The following MRS2 variants were observed in gnomAD, a reference collection of about 807,000 sequenced individuals.
The protein encoded by MRS2 is magnesium transporter MRS2, also known as magnesium transporter MRS2 homolog, mitochondrial.
MRS2 carries 40 observed loss-of-function variants against 52.6 expected under a neutral mutation model. That is an observed-to-expected ratio of 0.76 (90% confidence interval 0.59 to 0.99). The LOEUF is 0.99. Ranked by LOEUF, MRS2 falls within the 50% of genes least tolerant of loss-of-function variation. MRS2 has a pLI of 0.00. For synonymous variants in MRS2, 193 were observed against 195.9 expected (o/e 0.98, Z 0.13); for missense variants, 472 against 532.7 (o/e 0.89, Z 1.12).
chr6:24,416,201 G>A (rs1174647022), intron 6 of MRS2, among the ~76,000 whole-genome samples, 196 bp from the exon 7 acceptor site: 1 of 151,742 alleles, frequency 6.6e-6, no homozygotes, highest in Non-Finnish European at 1.5e-5. Flanking sequence ...AGGATTACAG[G>A]CGTGACACCA....
At chr6:24,403,719 G>A (rs568426862) in intron 1 of MRS2, among the ~76,000 whole-genome samples, 3 of 152,274 alleles carry the variant, frequency 2.0e-5, no homozygotes, top group African/African-American at 7.2e-5. Context: ...ACACCTGGCC[G>A]AGAGGTGTTT....
Position 24,408,422 on chromosome 6 carries a change from A to T in MRS2, c.279A>T (p.Lys93Asn), listed in dbSNP as rs749814624. Reference protein sequence around the residue: ...APVFTVTKFDKQGNVTSFERK... With the variant: ...APVFTVTKFDNQGNVTSFERK... Reference sequence around the variant, plus strand: ...TCTATTTTCAGACAAAATTTGACAAACAGGGAAACGTTACTTCTTTTGGTG... The same window carrying T: ...TCTATTTTCAGACAAAATTTGACAATCAGGGAAACGTTACTTCTTTTGGTG... Residue 93 changes from lysine to asparagine, a missense_variant, in exon 3 of 11, where the codon AAA (lysine) becomes AAT (asparagine). Physicochemically the swap from Lys to Asn is moderately conservative, Grantham distance 94 (BLOSUM62 0). Coordinates refer to ENST00000378386, the MANE Select transcript of MRS2 (RefSeq NM_020662.4). 2 of 1,587,620 alleles carry T rather than the reference A, an allele frequency of 1.3e-6. No individual in the cohort carries two copies. The highest frequency in any genetic ancestry group is 1.3e-5 in the African/African-American group (1 of 74,282).
Position 24,425,861 on chromosome 6 carries a change from G to GAGTT in MRS2, c.*2169_*2172dup, listed in dbSNP as rs1303557445. On this transcript the variant is annotated 3_prime_UTR_variant, in exon 11 of 11. Transcript: ENST00000378386. ...ATATTAAAAAGCTATTTATTTTGGT[G>GAGTT]AGTTATTCCAAGAGTTGTATACAGC... 2.0e-5 allele frequency: 3 copies of GAGTT among 152,176 alleles called. No homozygotes were observed. The highest frequency in any genetic ancestry group is 4.4e-5 in the Non-Finnish European group (3 of 68,022). 9.4% of individuals were successfully genotyped at this position (152,176 alleles called of 1,614,324 possible). A position where few individuals can be genotyped will look rare whatever the true frequency, so the allele number is the denominator to read the frequency against.
rs756118584 is a variant in MRS2, at chr6:24,409,450, T to C, written c.302-11T>C. 2.5e-5 allele frequency: 38 copies of C among 1,544,800 alleles called. No individual in the cohort carries two copies. The highest frequency in any genetic ancestry group is 3.4e-5 in the Non-Finnish European group (38 of 1,124,034). On this transcript the variant is annotated splice_polypyrimidine_tract_variant and intron_variant, in intron 3 of 10. Coordinates refer to ENST00000378386, the MANE Select transcript of MRS2 (RefSeq NM_020662.4). ...ATTTGGTTTAGCCCTCTCTGTTTAT[T>C]TCTTTTATAGAAAGGAAGAAAACTG...
chr6:24,413,102 A>G (rs1241152181), intron 5 of MRS2, among the ~76,000 whole-genome samples: 1 of 152,094 alleles, frequency 6.6e-6, no homozygotes, highest in South Asian at 2.1e-4. Flanking sequence ...CAGTGAGATG[A>G]TAAGTAGTGG....
In MRS2 at chr6:24,426,178, A is replaced by G. The variant is rs1224484925; in HGVS notation, c.*2484A>G. The G allele has an allele frequency of 6.6e-6, 1 of 152,344 alleles. No individual in the cohort carries two copies. Among genetic ancestry groups the G allele is most frequent in the East Asian group, 1.9e-4 (1 of 5,194 alleles). The allele number at this position is 152,344 out of a possible 1,614,324, so 9.4% of individuals were successfully genotyped here. A position where few individuals can be genotyped will look rare whatever the true frequency, so the allele number is the denominator to read the frequency against. Reference sequence around the variant, plus strand: ...CTTCTGATATCTTGAAATAAAGATAAATTTCAGTTAAACTTGTATAAGTTC... The same window carrying G: ...CTTCTGATATCTTGAAATAAAGATAGATTTCAGTTAAACTTGTATAAGTTC... On this transcript the variant is annotated 3_prime_UTR_variant, in exon 11 of 11. Coordinates refer to ENST00000378386, the MANE Select transcript of MRS2 (RefSeq NM_020662.4).
At chr6:24,411,922 A>G (rs995690436) in intron 4 of MRS2, among the ~76,000 whole-genome samples, 2 of 142,736 alleles carry the variant, frequency 1.4e-5, no homozygotes, top group Non-Finnish European at 3.0e-5. Context: ...TATATAATTT[A>G]TGTGAATAAT....
intron 6 of MRS2, 76 bp downstream of exon 6, chr6:24,415,239 A>G (rs1761807777): frequency 1.4e-6 from 2 of 1,454,962 alleles, no homozygotes; most frequent in Non-Finnish European, 1.8e-6. Context: ...TTTGTTTCAT[A>G]ACTTTTTTTA....
intron 1 of MRS2, among the ~76,000 whole-genome samples, chr6:24,403,865 A>G (rs769031816): frequency 7.9e-4 from 121 of 152,332 alleles, no homozygotes; most frequent in Non-Finnish European, 1.2e-3. Flanking sequence ...AAGTGAGGCT[A>G]AAGACTGAGT....
Position 24,425,300 on chromosome 6 carries a change from C to G in MRS2, c.*1606C>G, listed in dbSNP as rs985725260. On this transcript the variant is annotated 3_prime_UTR_variant, in exon 11 of 11. Coordinates refer to ENST00000378386, the MANE Select transcript of MRS2 (RefSeq NM_020662.4). ...TCCCAGAGGGCAACATTTGATTTGACTAAGATCAGGCATAAGATAGAATTT... is the reference window on the plus strand; with the variant it reads ...TCCCAGAGGGCAACATTTGATTTGAGTAAGATCAGGCATAAGATAGAATTT... 11 of 152,166 alleles carry G rather than the reference C, an allele frequency of 7.2e-5. No homozygotes were observed. Among genetic ancestry groups the G allele is most frequent in the African/African-American group, 2.4e-4 (10 of 41,418 alleles). The allele number at this position is 152,166 out of a possible 1,614,324, so 9.4% of individuals were successfully genotyped here.
chr6:24,403,251 C>A lies in MRS2; in HGVS notation c.190+15C>A. On this transcript the variant is annotated intron_variant, in intron 1 of 10. Coordinates refer to ENST00000378386, the MANE Select transcript of MRS2 (RefSeq NM_020662.4). ...CCGCGTGGCAGGTACTGCCCTTCCC[C>A]GGCAACAGCCTTGGGACGCTGGTCT... 6.3e-7 allele frequency: 1 copy of A among 1,582,440 alleles called. No individual in the cohort carries two copies.
intron 2 of MRS2, among the ~76,000 whole-genome samples, chr6:24,405,621 G>A (rs1351730328): frequency 6.6e-6 from 1 of 151,818 alleles, no homozygotes; most frequent in African/African-American, 2.4e-5. Flanking sequence ...AATGGTTCGG[G>A]GGTGGGGATG....
intron 10 of MRS2, 144 bp from the exon 11 acceptor site, chr6:24,423,440 G>C (rs1762122947): frequency 2.0e-6 from 1 of 496,676 alleles, no homozygotes; most frequent in Non-Finnish European, 3.6e-6. Flanking sequence ...CTTTGTACTT[G>C]AAGATGGCAC....
At position 24,425,658 on chromosome 6, in the gene MRS2, G is replaced by A. The variant is rs1357146123; in HGVS notation, c.*1964G>A. 2 of 152,168 alleles carry A rather than the reference G, an allele frequency of 1.3e-5. No homozygotes were observed. The highest frequency in any genetic ancestry group is 1.9e-4 in the East Asian group (1 of 5,198). The allele number at this position is 152,168 out of a possible 1,614,324, so 9.4% of individuals were successfully genotyped here. ...CACATTAATTACTGTTTGAAAGTAG[G>A]TACCAAACACTGGGTTATGTGAGTG... is the stretch of plus-strand genomic sequence containing the variant. On this transcript the variant is annotated 3_prime_UTR_variant, in exon 11 of 11. Coordinates refer to ENST00000378386, the MANE Select transcript of MRS2 (RefSeq NM_020662.4).
At position 24,425,199 on chromosome 6, in the gene MRS2, C is replaced by T. The variant is rs921151207; in HGVS notation, c.*1505C>T. On this transcript the variant is annotated 3_prime_UTR_variant, in exon 11 of 11. Coordinates refer to ENST00000378386, the MANE Select transcript of MRS2 (RefSeq NM_020662.4). ...CACACTTTTGGCACACCTCAGAGCA[C>T]ACTGCTGCTATTTTGGGTCGTATCA... 4 of 152,196 alleles carry T rather than the reference C, an allele frequency of 2.6e-5. No homozygotes were observed. Among genetic ancestry groups the T allele is most frequent in the African/African-American group, 9.7e-5 (4 of 41,436 alleles). The allele number at this position is 152,196 out of a possible 1,614,324, so 9.4% of individuals were successfully genotyped here.
chr6:24,422,859 T>C, intron 9 of MRS2, 78 bp from the exon 10 acceptor site: 1 of 977,840 alleles, frequency 1.0e-6, no homozygotes, highest in Non-Finnish European at 1.6e-6. Context: ...GCTTTCAAAC[T>C]CTGGGGCAGT....
intron 4 of MRS2, chr6:24,410,609 C>G (rs2127286719): frequency 1.4e-6 from 1 of 700,924 alleles, no homozygotes; most frequent in African/African-American, 1.8e-5. Context: ...TCACCAGAGA[C>G]CAGGAGTTTG....
At chr6:24,411,670 C>CT (rs2127288153) in intron 4 of MRS2, among the ~76,000 whole-genome samples, 1 of 152,290 alleles carries the variant, frequency 6.6e-6, no homozygotes, top group African/African-American at 2.4e-5. Context: ...TCTGAAGTAG[C>CT]TGGGACTACA....
In MRS2 at chr6:24,402,974, C is replaced by A; in HGVS notation, c.-73C>A. 1.4e-6 allele frequency: 2 copies of A among 1,416,640 alleles called. No individual in the cohort carries two copies. Among genetic ancestry groups the A allele is most frequent in the Non-Finnish European group, 1.9e-6 (2 of 1,056,180 alleles). 87.8% of individuals were successfully genotyped at this position (1,416,640 alleles called of 1,614,324 possible). A position where few individuals can be genotyped will look rare whatever the true frequency, so the allele number is the denominator to read the frequency against. On this transcript the variant is annotated 5_prime_UTR_variant, in exon 1 of 11. The change creates a new upstream start codon in the 5' untranslated region. Coordinates refer to ENST00000378386, the MANE Select transcript of MRS2 (RefSeq NM_020662.4). ...GTCGGGCGGTAGCGACAGGTCAGAG[C>A]TGCGGCCTGAGCAGCCAGCGTCCGG... is the stretch of plus-strand genomic sequence containing the variant.
Sources: gnomAD v4.1 joint callset for allele counts (sites outside exome capture counted in the v4.1 genomes callset) on GRCh38, gnomAD v4.1.1 for gene constraint, MANE v1.5 for transcripts, NCBI Gene and HGNC (gene_info 2026-07-23, HGNC 2026-07-21) for gene names.